The following DHX37 variants were observed in gnomAD, a reference collection of about 807,000 sequenced individuals.
The protein encoded by DHX37 is DEAH-box helicase 37.
DHX37 carries 52 observed loss-of-function variants against 134.3 expected under a neutral mutation model. That is an observed-to-expected ratio of 0.39 (90% confidence interval 0.31 to 0.49). The LOEUF (loss-of-function observed/expected upper bound fraction) is 0.49. DHX37 is among the 20% of genes least tolerant of loss of function. The probability of loss-of-function intolerance (pLI) is 0.93; values close to 1 mark genes in which losing one functional copy is unlikely to be tolerated. For missense variants in DHX37, 1,344 were observed against 1,580.8 expected, an observed-to-expected ratio of 0.85 and a Z score of 2.54; for synonymous variants, 634 against 670.7, an observed-to-expected ratio of 0.95 and a Z score of 0.85.
At position 124,950,208 on chromosome 12, in the gene DHX37, C is replaced by A. The variant is rs150528845; in HGVS notation, c.3157G>T (p.Asp1053Tyr). The A allele has an allele frequency of 2.9e-5, 47 of 1,613,906 alleles. No homozygotes were observed. Among genetic ancestry groups the A allele is most frequent in the Non-Finnish European group, 3.9e-5 (46 of 1,180,048 alleles). The change falls in exon 24 of 27, where the codon GAT becomes TAT. Residue 1053 changes from aspartate to tyrosine, a missense_variant. Physicochemically the swap from Asp to Tyr is radical, Grantham distance 160 (BLOSUM62 -3). Transcript: ENST00000308736. Reference sequence around the variant, plus strand: ...TAGCGGTCAATCCCCTCTGGAAAATCCACCTCGATGGCGGGGAGCGGCCAG... The same window carrying A: ...TAGCGGTCAATCCCCTCTGGAAAATACACCTCGATGGCGGGGAGCGGCCAG... The part of the protein sequence containing the change: ...VGWPLPAIEV[D>Y]FPEGIDRYKH...
chr12:124,976,740 G>C (rs747721279), intron 5 of DHX37, among the ~76,000 whole-genome samples: 9 of 152,014 alleles, frequency 5.9e-5, no homozygotes, highest in Non-Finnish European at 1.0e-4. Context: ...TGAGGCAGGA[G>C]AATGGCGTGA....
At chr12:124,963,781 G>T (rs1954319619) in intron 15 of DHX37, among the ~76,000 whole-genome samples, 2 of 149,218 alleles carry the variant, frequency 1.3e-5, no homozygotes, top group South Asian at 4.2e-4. Flanking sequence ...TCGGGAGGCT[G>T]AGGCAAGAGA....
chr12:124,948,274 A>C (rs1446310017), intron 25 of DHX37, 93 bp from the exon 26 acceptor site: 6 of 1,499,540 alleles, frequency 4.0e-6, no homozygotes, highest in Non-Finnish European at 4.4e-6. Flanking sequence ...TCACCACCCC[A>C]CCAGCCCCAC....
rs1232466399 is a variant in DHX37, at chr12:124,950,069, G to A, written c.3217-10C>T. The A allele has an allele frequency of 6.2e-7, 1 of 1,613,812 alleles. No individual in the cohort carries two copies. Among genetic ancestry groups the A allele is most frequent in the Non-Finnish European group, 8.5e-7 (1 of 1,179,916 alleles). On this transcript the variant is annotated splice_polypyrimidine_tract_variant and intron_variant, in intron 24 of 26. Transcript: ENST00000308736. Reference sequence around the variant, plus strand: ...CCAGCTTGCGGAAGACCTGATGAGAGACCACAGGAAGGGGTGAGGCCCGGG... The same window carrying A: ...CCAGCTTGCGGAAGACCTGATGAGAAACCACAGGAAGGGGTGAGGCCCGGG...
chr12:124,983,588 C>T (rs1954800787), intron 2 of DHX37, among the ~76,000 whole-genome samples: 1 of 151,664 alleles, frequency 6.6e-6, no homozygotes, highest in Admixed American at 6.6e-5. Flanking sequence ...AGTTCAAGAC[C>T]AACCTAACCA....
chr12:124,986,316 C>T, intron 1 of DHX37, 51 bp from the exon 2 acceptor site: 1 of 1,592,434 alleles, frequency 6.3e-7, no homozygotes, highest in Non-Finnish European at 8.5e-7. Flanking sequence ...TAGCTCTGGT[C>T]CCGCCTCCCA....
chr12:124,948,244 G>A lies in DHX37; in HGVS notation c.3291-63C>T. 1.3e-6 allele frequency: 2 copies of A among 1,563,836 alleles called. 1 individual carries two copies. Reference sequence around the variant, plus strand: ...GGGCACAGACCGGCTGCTGCTGGGGGCCCGAAAGCAGGGCAGGCATCACCA... The same window carrying A: ...GGGCACAGACCGGCTGCTGCTGGGGACCCGAAAGCAGGGCAGGCATCACCA... On this transcript the variant is annotated intron_variant, in intron 25 of 26. Transcript: ENST00000308736.
chr12:124,983,642 G>A (rs1290352646), intron 2 of DHX37, among the ~76,000 whole-genome samples: 2 of 151,744 alleles, frequency 1.3e-5, no homozygotes, highest in Non-Finnish European at 1.5e-5. Context: ...AAAATTAGCC[G>A]GGCATGGTGG....
chr12:124,947,944 T>C, intron 26 of DHX37, 57 bp from the exon 27 acceptor site: 1 of 1,611,488 alleles, frequency 6.2e-7, no homozygotes. Context: ...GGGACTCTCC[T>C]CAGGTGGCAA....
At chr12:124,972,176 G>A (rs7301221) in intron 7 of DHX37, among the ~76,000 whole-genome samples, 33,560 of 152,206 alleles carry the variant, frequency 0.22, 4,394 homozygotes, top group Non-Finnish European at 0.3. Flanking sequence ...GTACACCCCC[G>A]GCAAGGCGTG....
Position 124,982,611 on chromosome 12 carries a change from G to T in DHX37, c.289C>A (p.Leu97Ile). The T allele has an allele frequency of 6.2e-7, 1 of 1,613,546 alleles. No homozygotes were observed. The highest frequency in any genetic ancestry group is 1.1e-5 in the South Asian group (1 of 91,056). The change falls in exon 3 of 27, where the codon CTA becomes ATA. Residue 97 changes from leucine (L) to isoleucine (I), a missense_variant. By Grantham distance (5) the Leu-to-Ile change is conservative. This residue lies in a region of DHX37 where 319 missense variants were observed against 296.1 expected (regional missense o/e 1.08). Coordinates refer to ENST00000308736, the MANE Select transcript of DHX37 (RefSeq NM_032656.4). ...KEKKSQRAEM[L>I]QKLSEVQASE... The stretch of plus-strand genomic sequence containing the variant: ...GCCTGGACTTCACTCAGCTTCTGTA[G>T]CATCTCTGCTCGCTGGGAAAGGAAA...
At chr12:124,982,209 T>C (rs61942958) in intron 3 of DHX37, among the ~76,000 whole-genome samples, 24 of 151,328 alleles carry the variant, frequency 1.6e-4, no homozygotes, top group Non-Finnish European at 1.3e-4. Context: ...CTAATGGCAA[T>C]TTCTGGCCTA....
Position 124,960,414 on chromosome 12 carries a change from T to A in DHX37, c.2055A>T (p.Ser685=). Residue 685 remains serine, a synonymous_variant, in exon 16 of 27, where the codon TCA becomes TCT. Transcript: ENST00000308736. ...TEPGHCYRLY[S]SAVFGDFEQF... ...GCTCGAAGTCACCAAAAACCGCAGATGAATACAGCCTGGATGGAGAGAAAC... is the reference window on the plus strand; with the variant it reads ...GCTCGAAGTCACCAAAAACCGCAGAAGAATACAGCCTGGATGGAGAGAAAC... 3 of 1,608,816 alleles carry A rather than the reference T, an allele frequency of 1.9e-6. No individual in the cohort carries two copies. The highest frequency in any genetic ancestry group is 1.7e-6 in the Non-Finnish European group (2 of 1,175,296).
Position 124,964,471 on chromosome 12 carries a change from A to AC in DHX37, c.1967dup (p.Val657CysfsTer10). 2 of 1,614,194 alleles carry AC rather than the reference A, an allele frequency of 1.2e-6. No homozygotes were observed. The highest frequency in any genetic ancestry group is 1.7e-6 in the Non-Finnish European group (2 of 1,180,024). The stretch of plus-strand genomic sequence containing the variant: ...CTGATGCCTGGGAGACCCAGGTGAC[A>AC]CGGAAGGAGGATACGCCAGTGACGC... On this transcript the variant is annotated frameshift_variant, in exon 15 of 27. Transcript: ENST00000308736. LOFTEE classifies it high-confidence loss of function.
Position 124,952,582 on chromosome 12 carries a change from A to T in DHX37, c.2696-12T>A. The T allele has an allele frequency of 6.4e-7, 1 of 1,562,070 alleles. No homozygotes were observed. The highest frequency in any genetic ancestry group is 1.4e-5 in the African/African-American group (1 of 73,770). Reference sequence around the variant, plus strand: ...GCACACGGCATTGACTGAGGGGAGAACCAAGAGTGAGGTCGGTGGTGGCAA... The same window carrying T: ...GCACACGGCATTGACTGAGGGGAGATCCAAGAGTGAGGTCGGTGGTGGCAA... On this transcript the variant is annotated splice_polypyrimidine_tract_variant and intron_variant, in intron 20 of 26. Coordinates refer to ENST00000308736, the MANE Select transcript of DHX37 (RefSeq NM_032656.4).
intron 12 of DHX37, among the ~76,000 whole-genome samples, chr12:124,966,021 G>A (rs968922987): frequency 6.6e-6 from 1 of 152,214 alleles, no homozygotes; most frequent in Non-Finnish European, 1.5e-5. Flanking sequence ...TCCCAGGCTG[G>A]TGGGAGGGTT....
chr12:124,962,809 C>G (rs563354089), intron 15 of DHX37, among the ~76,000 whole-genome samples: 1 of 152,214 alleles, frequency 6.6e-6, no homozygotes, highest in South Asian at 2.1e-4. Context: ...TGCACTCCAG[C>G]CTGGGTGACA....
At chr12:124,954,743 T>A (rs975418291) in intron 18 of DHX37, among the ~76,000 whole-genome samples, 3 of 152,186 alleles carry the variant, frequency 2.0e-5, no homozygotes, top group Non-Finnish European at 4.4e-5. Context: ...ACTGCTTAAA[T>A]AGCTGCCAAG....
chr12:124,959,571 G>A (rs1291693950), intron 16 of DHX37, among the ~76,000 whole-genome samples: 5 of 152,134 alleles, frequency 3.3e-5, no homozygotes, highest in African/African-American at 1.2e-4. Context: ...CCAAAGCAGC[G>A]TGTAACATAT....
Sources: allele counts gnomAD v4.1 joint callset (sites outside exome capture counted in the v4.1 genomes callset), GRCh38; gene constraint gnomAD v4.1.1; regional missense constraint gnomAD v4.1.1; transcripts MANE v1.5; gene names NCBI Gene and HGNC (gene_info 2026-07-23, HGNC 2026-07-21).